MCM7: variants seen among roughly 807,000 people sequenced by gnomAD.
MCM7 encodes the protein DNA replication licensing factor MCM7.
A neutral mutation model predicts 83.5 loss-of-function variants in MCM7; 95 were observed. The observed-to-expected ratio is 1.14, with a 90% confidence interval of 0.96 to 1.35. The LOEUF (loss-of-function observed/expected upper bound fraction) is 1.35. Ranked by LOEUF, MCM7 falls within the 40% of genes most tolerant of loss-of-function variation. The pLI is 0.00. For synonymous variants in MCM7, 461 were observed against 352.7 expected, an observed-to-expected ratio of 1.31 and a Z score of -3.44; for missense variants, 1,087 against 957.4, an observed-to-expected ratio of 1.14 and a Z score of -1.79.
intron 1 of MCM7, chr7:100,100,406 T>A: frequency 9.5e-7 from 1 of 1,056,118 alleles, no homozygotes; most frequent in Non-Finnish European, 1.1e-6. Context: ...CTCAGCTTTC[T>A]TTCCACCCCT....
intron 5 of MCM7, 71 bp downstream of exon 5, chr7:100,098,952 C>A (rs1318725904): frequency 3.1e-6 from 5 of 1,587,344 alleles, no homozygotes; most frequent in Non-Finnish European, 4.3e-6. Context: ...CAATAGGCAT[C>A]ACAGGATCAA....
At position 100,098,626 on chromosome 7, in the gene MCM7, T is replaced by G. The variant is rs1365096763; in HGVS notation, c.672A>C (p.Thr224=). ...GGAATTTGATGAATCTGGAGCCCCGTGTCTGCAGATACAGCCGCCCTCCTG... is the reference window on the plus strand; with the variant it reads ...GGAATTTGATGAATCTGGAGCCCCGGGTCTGCAGATACAGCCGCCCTCCTG... ...NRSGGRLYLQ[T]RGSRFIKFQE... The change falls in exon 6 of 15, where the codon ACA becomes ACC. Residue 224 remains threonine (T), a synonymous_variant. Transcript: ENST00000303887. 2 of 1,614,172 alleles carry G rather than the reference T, an allele frequency of 1.2e-6. No homozygotes were observed. Among genetic ancestry groups the G allele is most frequent in the South Asian group, 1.1e-5 (1 of 91,082 alleles).
chr7:100,101,148 C>A, intron 1 of MCM7, 116 bp downstream of exon 1: 2 of 1,314,312 alleles, frequency 1.5e-6, no homozygotes, highest in South Asian at 2.4e-5. Flanking sequence ...CTGCCTCTGG[C>A]CTCGCGCACC....
chr7:100,093,168 A>G, intron 14 of MCM7, 35 bp from the exon 15 acceptor site: 1 of 1,609,060 alleles, frequency 6.2e-7, no homozygotes, highest in South Asian at 1.1e-5. Context: ...AGGTCAGGAT[A>G]CAAACAGGAA....
At chr7:100,095,252 G>A in intron 12 of MCM7, 135 bp downstream of exon 12, 1 of 788,974 alleles carries the variant, frequency 1.3e-6, no homozygotes, top group Non-Finnish European at 2.2e-6. Flanking sequence ...CTTAAAAGCT[G>A]ATCTGAGGCT....
At chr7:100,100,882 G>T (rs1234179558) in intron 1 of MCM7, 5 of 1,051,988 alleles carry the variant, frequency 4.8e-6, no homozygotes, top group African/African-American at 3.4e-5. Context: ...CGCGCCTGGG[G>T]AGGGCGCGGG....
intron 12 of MCM7, among the ~76,000 whole-genome samples, chr7:100,094,616 G>A (rs1427202262): frequency 6.6e-6 from 1 of 152,138 alleles, no homozygotes; most frequent in East Asian, 1.9e-4. Flanking sequence ...GTCATTAAGA[G>A]AGGATCCAGA....
At chr7:100,101,029 C>T (rs193106762) in intron 1 of MCM7, among the ~76,000 whole-genome samples, 2 of 152,372 alleles carry the variant, frequency 1.3e-5, no homozygotes, top group African/African-American at 4.8e-5. Context: ...CCCCCAACCC[C>T]ACGACCCTAA....
chr7:100,095,293 G>A (rs553436743), intron 12 of MCM7, 94 bp downstream of exon 12: 3 of 1,112,786 alleles, frequency 2.7e-6, no homozygotes, highest in South Asian at 1.3e-5. Flanking sequence ...AAGTGGTGGT[G>A]TGAAAAACAC....
rs763358687 is a variant in MCM7, at chr7:100,095,856, T to C, written c.1513A>G (p.Ile505Val). 2 of 1,613,014 alleles carry C rather than the reference T, an allele frequency of 1.2e-6. No homozygotes were observed. Among genetic ancestry groups the C allele is most frequent in the Middle Eastern group, 3.3e-4 (2 of 6,062 alleles). ...GAGAGCAGTGCAGCAGGTAGCTGTA[T>C]GTTCTGCTCCAGGCTGCGGCGAGGG... is the stretch of plus-strand genomic sequence containing the variant. ...YNPRRSLEQNIQLPAALLSRF... is the reference protein window; with the variant it reads ...YNPRRSLEQNVQLPAALLSRF... Residue 505 changes from isoleucine to valine, a missense_variant, in exon 11 of 15, where the codon ATA becomes GTA. Coordinates refer to ENST00000303887, the MANE Select transcript of MCM7 (RefSeq NM_005916.5).
At position 100,099,195 on chromosome 7, in the gene MCM7, T is replaced by C. The variant is rs1795803001; in HGVS notation, c.410A>G (p.Tyr137Cys). The C allele has an allele frequency of 6.2e-7, 1 of 1,613,918 alleles. No individual in the cohort carries two copies. The highest frequency in any genetic ancestry group is 1.7e-5 in the Admixed American group (1 of 59,990). The change falls in exon 5 of 15, where the codon TAT (tyrosine) becomes TGT (cysteine). Residue 137 changes from tyrosine to cysteine, a missense_variant. By Grantham distance (194) the Tyr-to-Cys change is radical. Coordinates refer to ENST00000303887, the MANE Select transcript of MCM7 (RefSeq NM_005916.5). ...PAELMRRFEL[Y>C]FQGPSSNKPR... ...CTTGTTGCTGCTAGGGCCTTGAAAA[T>C]ACAGCTCACTAAGGGGAGAAAACAG...
chr7:100,093,235 GAC>G, intron 14 of MCM7, 55 bp downstream of exon 14: 1 of 1,590,480 alleles, frequency 6.3e-7, no homozygotes, highest in Non-Finnish European at 8.6e-7. Context: ...GCCAACCTCA[GAC>G]ACATGGCCAC....
At chr7:100,099,447 A>G (rs759206474) in intron 3 of MCM7, 44 bp from the exon 4 acceptor site, 3 of 1,582,254 alleles carry the variant, frequency 1.9e-6, no homozygotes, top group Non-Finnish European at 2.6e-6. Context: ...GAGCAACAGG[A>G]TGGGGAAAGG....
In MCM7 at chr7:100,100,073, G is replaced by C. The variant is rs775177866; in HGVS notation, c.52C>G (p.Gln18Glu). The C allele has an allele frequency of 1.1e-5, 17 of 1,614,096 alleles. No individual in the cohort carries two copies. In the South Asian group the frequency reaches 1.4e-4, roughly 14 times the overall value. ...AGTTCATCATCCTGGTAGAACTCTTGTAAGAACTTCTTAACCTTTTCTGTA... is the reference window on the plus strand; with the variant it reads ...AGTTCATCATCCTGGTAGAACTCTTCTAAGAACTTCTTAACCTTTTCTGTA... ...LEKEKVKKFL[Q>E]EFYQDDELGK... The change falls in exon 2 of 15, where the codon CAA (glutamine) becomes GAA (glutamate). Residue 18 changes from glutamine to glutamate, a missense_variant. Gln to Glu is a conservative substitution (Grantham distance 29, BLOSUM62 2). Transcript: ENST00000303887.
At chr7:100,099,940 A>G (rs571077370) in intron 2 of MCM7, 74 bp downstream of exon 2, 1 of 1,487,868 alleles carries the variant, frequency 6.7e-7, no homozygotes. Context: ...GTCTTTAATA[A>G]AACAAGCCAA....
rs1562894437 is a variant in MCM7 at position 100,095,782 on chromosome 7, ATT to A, written c.1585_1586del (p.Asn529Ter). The A allele has an allele frequency of 6.3e-7, 1 of 1,578,558 alleles. No homozygotes were observed. Among genetic ancestry groups the A allele is most frequent in the African/African-American group, 1.3e-5 (1 of 74,452 alleles). On this transcript the variant is annotated frameshift_variant, in exon 11 of 15. Coordinates refer to ENST00000303887, the MANE Select transcript of MCM7 (RefSeq NM_005916.5). LOFTEE classifies it high-confidence loss of function. ...WLIQDRPDRD[N>X]DLRLAQHITY... is the part of the protein sequence containing the mutation. ...TGTTGAGCTTCATTCACCGTAGGTCATTGTCTCGGTCGGGCCGGTCCTGAATC... is the reference window on the plus strand; with the variant it reads ...TGTTGAGCTTCATTCACCGTAGGTCAGTCTCGGTCGGGCCGGTCCTGAATC...
intron 1 of MCM7, chr7:100,100,468 T>C (rs1795918482): frequency 1.0e-6 from 1 of 995,016 alleles, no homozygotes; most frequent in African/African-American, 1.7e-5. Context: ...CACCGGGACC[T>C]CCGCCACCGC....
chr7:100,097,080 G>GA (rs1486117108), intron 10 of MCM7, among the ~76,000 whole-genome samples: 9 of 152,296 alleles, frequency 5.9e-5, no homozygotes, highest in African/African-American at 1.9e-4. Context: ...CGGCCTGGGC[G>GA]AAAGAGCAAG....
chr7:100,095,346 G>A (rs1281393105), intron 12 of MCM7, 41 bp downstream of exon 12: 11 of 1,568,824 alleles, frequency 7.0e-6, no homozygotes, highest in Non-Finnish European at 8.7e-6. Flanking sequence ...GGCTCGCACG[G>A]CCCACGCCAA....
Sources: gnomAD v4.1 joint callset for allele counts (sites outside exome capture counted in the v4.1 genomes callset) on GRCh38, gnomAD v4.1.1 for gene constraint, MANE v1.5 for transcripts, NCBI Gene and HGNC (gene_info 2026-07-23, HGNC 2026-07-21) for gene names.